The following NDE1 variants were observed in gnomAD, a reference collection of about 807,000 sequenced individuals.
The protein encoded by NDE1 is nuclear distribution protein nudE homolog 1.
NDE1 carries 28 observed loss-of-function variants against 43.4 expected under a neutral mutation model. The ratio of observed to expected loss-of-function variants is 0.65; its 90% CI spans 0.48 to 0.89. The LOEUF (loss-of-function observed/expected upper bound fraction) is 0.89. NDE1 is among the 40% of genes least tolerant of loss of function. The pLI, the probability that NDE1 is intolerant of heterozygous loss-of-function variation, is 0.00. For missense variants in NDE1, 441 were observed against 434.1 expected, an observed-to-expected ratio of 1.02 and a Z score of -0.14; for synonymous variants, 184 against 172.0, an observed-to-expected ratio of 1.07 and a Z score of -0.55.
intron 2 of NDE1, among the ~76,000 whole-genome samples, chr16:15,665,678 C>T (rs2037264581): frequency 6.6e-6 from 1 of 151,728 alleles, no homozygotes; most frequent in Non-Finnish European, 1.5e-5. Flanking sequence ...CTCCTGGCTT[C>T]ACGTGATCTG....
intron 8 of NDE1, chr16:15,717,036 T>C: frequency 7.8e-7 from 1 of 1,282,218 alleles, no homozygotes; most frequent in Non-Finnish European, 1.1e-6. Flanking sequence ...AGCTTGCTTC[T>C]TACAAGCCAG....
intron 3 of NDE1, chr16:15,672,563 G>A (rs1486085154): frequency 2.0e-5 from 3 of 152,140 alleles, no homozygotes; most frequent in Non-Finnish European, 4.4e-5. Flanking sequence ...ATTCATCACG[G>A]GTTGAATGAA....
rs775241831 is a variant in NDE1 at position 15,665,554 on chromosome 16, G to A, written c.83+693G>A. Among the ~76,000 whole-genome samples the A allele has an allele frequency of 1.5e-4, 22 of 151,200 alleles. 1 individual carries two copies. The highest frequency in any genetic ancestry group is 9.8e-4 in the East Asian group (5 of 5,112). On this transcript the variant is annotated intron_variant, in intron 2 of 8. Coordinates refer to ENST00000396354, the MANE Select transcript of NDE1 (RefSeq NM_017668.3). ...CCACCTCTGGGTTGAAGCAATTCTC[G>A]TGCCTCAGCTTCTCGAGTAGCTGGA...
chr16:15,669,691 C>T (rs984044245), intron 3 of NDE1, among the ~76,000 whole-genome samples: 4 of 151,738 alleles, frequency 2.6e-5, no homozygotes, highest in Non-Finnish European at 4.4e-5. Context: ...GACGAGGTTT[C>T]ACCATGTTGG....
At chr16:15,671,894 C>A (rs554730229) in intron 3 of NDE1, among the ~76,000 whole-genome samples, 1 of 151,960 alleles carries the variant, frequency 6.6e-6, no homozygotes, top group South Asian at 2.1e-4. Context: ...GGTTCATGTG[C>A]CCATGCTAGT....
intron 1 of NDE1, among the ~76,000 whole-genome samples, chr16:15,656,519 T>TTTATTATTATTA (rs58046044): frequency 6.6e-6 from 1 of 151,126 alleles, no homozygotes; most frequent in Non-Finnish European, 1.5e-5. Flanking sequence ...GCTCTTTTCT[T>TTTATTATTATTA]TTATTATTAT....
chr16:15,694,486 C>T, intron 7 of NDE1: 1 of 1,248,422 alleles, frequency 8.0e-7, no homozygotes, highest in South Asian at 1.4e-5. Context: ...GCTTGGACCA[C>T]AGGTGTGCGC....
intron 7 of NDE1, chr16:15,694,655 T>C (rs2038925022): frequency 2.0e-6 from 2 of 984,922 alleles, no homozygotes; most frequent in East Asian, 1.1e-4. Flanking sequence ...GCCCCTTTCA[T>C]AGCAGTGTGG....
At chr16:15,672,165 T>G (rs2037629461) in intron 3 of NDE1, among the ~76,000 whole-genome samples, 1 of 152,036 alleles carries the variant, frequency 6.6e-6, no homozygotes, top group Non-Finnish European at 1.5e-5. Flanking sequence ...CCTGGCGTGG[T>G]GGCTGATGCC....
chr16:15,652,647 T>C (rs2036561772), intron 1 of NDE1, among the ~76,000 whole-genome samples: 1 of 152,194 alleles, frequency 6.6e-6, no homozygotes, highest in Admixed American at 6.5e-5. Flanking sequence ...ATAGCTATTT[T>C]ACTTTTTGTC....
At chr16:15,692,123 G>A (rs2038785143) in intron 6 of NDE1, among the ~76,000 whole-genome samples, 1 of 152,010 alleles carries the variant, frequency 6.6e-6, no homozygotes. Context: ...CTTCCGATCA[G>A]GCCTTTTACA....
chr16:15,649,805 A>G (rs567943038), upstream of NDE1, among the ~76,000 whole-genome samples: 14 of 152,332 alleles, frequency 9.2e-5, no homozygotes, highest in East Asian at 2.5e-3. Context: ...TTTGGTGTAA[A>G]GGAGTAGGAA....
Position 15,694,271 on chromosome 16 carries a change from T to C in NDE1, c.795+15T>C, listed in dbSNP as rs200281724. 8.3e-5 allele frequency: 133 copies of C among 1,611,522 alleles called. No individual in the cohort carries two copies. The South Asian group carries it at 1.1e-3, about 14-fold the overall frequency. On this transcript the variant is annotated intron_variant, in intron 7 of 8. Transcript: ENST00000396354. The stretch of plus-strand genomic sequence containing the variant: ...GGAAAGTCGGGGTAAGACCACACTT[T>C]CCTGGCGTTTGGTGCCTTCCTGCCT...
intron 8 of NDE1, chr16:15,700,590 T>C (rs529131073): frequency 6.6e-6 from 1 of 151,824 alleles, no homozygotes; most frequent in Non-Finnish European, 1.5e-5. Context: ...TAGCTGGGAC[T>C]ACAGGAGTGT....
intron 3 of NDE1, among the ~76,000 whole-genome samples, chr16:15,675,287 C>G (rs993555793): frequency 2.0e-5 from 3 of 152,034 alleles, no homozygotes; most frequent in Admixed American, 6.6e-5. Flanking sequence ...CAACCTCCGC[C>G]TCCCGGGTTC....
chr16:15,679,921 G>A (rs969814201), intron 4 of NDE1, among the ~76,000 whole-genome samples: 1 of 152,122 alleles, frequency 6.6e-6, no homozygotes, highest in East Asian at 1.9e-4. Flanking sequence ...TGGGATTACA[G>A]GTGTGTGTTA....
intron 8 of NDE1, chr16:15,704,027 T>C (rs778681567): frequency 6.2e-7 from 1 of 1,614,182 alleles, no homozygotes; most frequent in Non-Finnish European, 8.5e-7. Context: ...AGTCTGCGTC[T>C]CGAGTGTCCG....
rs1299962795 is a variant in NDE1, at chr16:15,673,978, T to C, written c.238-3823T>C. On this transcript the variant is annotated intron_variant, in intron 3 of 8. Coordinates refer to ENST00000396354, the MANE Select transcript of NDE1 (RefSeq NM_017668.3). ...CTTGGCCCAGTCATTTGCTACTGGT[T>C]GATTCTGGGCTAGTTAAGTAATTGA... Among the ~76,000 whole-genome samples, 3 of 152,158 alleles carry C rather than the reference T, an allele frequency of 2.0e-5. 1 individual carries two copies. The highest frequency in any genetic ancestry group is 4.4e-5 in the Non-Finnish European group (3 of 68,046).
chr16:15,700,849 G>A (rs2039196859), intron 8 of NDE1, among the ~76,000 whole-genome samples: 1 of 152,128 alleles, frequency 6.6e-6, no homozygotes, highest in Non-Finnish European at 1.5e-5. Context: ...CCAACCAGGT[G>A]GAATCGTCTT....
Sources: allele counts gnomAD v4.1 joint callset (sites outside exome capture counted in the v4.1 genomes callset), GRCh38; gene constraint gnomAD v4.1.1; transcripts MANE v1.5; gene names NCBI Gene and HGNC (gene_info 2026-07-23, HGNC 2026-07-21).